The following PARD3B variants were observed in gnomAD, a reference collection of about 807,000 sequenced individuals.
PARD3B encodes the protein partitioning defective 3 homolog B.
PARD3B carries 103 observed loss-of-function variants against 130.2 expected under a neutral mutation model. That is an observed-to-expected ratio of 0.79 (90% CI 0.67 to 0.93). The LOEUF (loss-of-function observed/expected upper bound fraction) is 0.93, where lower values mean the gene tolerates loss of function less well. Among genes scored for constraint, PARD3B ranks in the 40% least tolerant of loss-of-function variants. The probability of loss-of-function intolerance (pLI) is 0.00; values close to 1 mark genes in which losing one functional copy is unlikely to be tolerated. For synonymous variants in PARD3B, 583 were observed against 553.2 expected (o/e 1.05, Z -0.76); for missense variants, 1,609 against 1,499.2 (o/e 1.07, Z -1.21).
chr2:205,480,738 T>C (rs1257335642), intron 20 of PARD3B, among the ~76,000 whole-genome samples: 1 of 152,178 alleles, frequency 6.6e-6, no homozygotes, highest in Non-Finnish European at 1.5e-5. Flanking sequence ...CCTTCTGTTC[T>C]TGTGGTGGAA....
At chr2:204,840,068 C>T (rs980879918) in intron 2 of PARD3B, among the ~76,000 whole-genome samples, 2 of 152,060 alleles carry the variant, frequency 1.3e-5, no homozygotes, top group African/African-American at 2.4e-5. Context: ...ATCCTTTTTC[C>T]ATCACTACGT....
At chr2:205,275,024 T>C (rs756667840) in intron 16 of PARD3B, among the ~76,000 whole-genome samples, 3 of 152,314 alleles carry the variant, frequency 2.0e-5, no homozygotes, top group Non-Finnish European at 4.4e-5. Flanking sequence ...TTCTAACTGC[T>C]TGTGTGCCTT....
At chr2:204,947,716 G>A (rs1035829621) in intron 2 of PARD3B, among the ~76,000 whole-genome samples, 1 of 152,030 alleles carries the variant, frequency 6.6e-6, no homozygotes, top group Non-Finnish European at 1.5e-5. Context: ...TTCTTTCCAT[G>A]CATTTTACCT....
chr2:204,896,300 G>GT (rs1193957743), intron 2 of PARD3B, among the ~76,000 whole-genome samples: 1 of 152,144 alleles, frequency 6.6e-6, no homozygotes, highest in Admixed American at 6.6e-5. Context: ...GTAAATAAAG[G>GT]TAAGAGGAAG....
chr2:205,173,424 A>G (rs1463229762), intron 12 of PARD3B, among the ~76,000 whole-genome samples: 1 of 152,212 alleles, frequency 6.6e-6, no homozygotes, highest in African/African-American at 2.4e-5. Flanking sequence ...CTTGGTATTC[A>G]TAGATGACAG....
chr2:204,966,388 G>T (rs13396044), intron 3 of PARD3B, among the ~76,000 whole-genome samples: 4,066 of 152,260 alleles, frequency 0.027, 184 homozygotes, highest in African/African-American at 0.093. Context: ...GAACGTGGCT[G>T]CTGGAGGGCT....
intron 1 of PARD3B, among the ~76,000 whole-genome samples, chr2:204,597,460 G>T (rs886726274): frequency 6.6e-6 from 1 of 152,178 alleles, no homozygotes; most frequent in Non-Finnish European, 1.5e-5. Flanking sequence ...GCCAGTTTAA[G>T]TGTCAATGTA....
At chr2:204,920,049 C>T (rs999098756) in intron 2 of PARD3B, among the ~76,000 whole-genome samples, 9 of 151,952 alleles carry the variant, frequency 5.9e-5, no homozygotes, top group Admixed American at 5.2e-4. Context: ...AAAAATTTTT[C>T]CTCTTTCATG....
intron 5 of PARD3B, among the ~76,000 whole-genome samples, chr2:205,106,593 A>C (rs774863565): frequency 6.6e-6 from 1 of 151,792 alleles, no homozygotes; most frequent in South Asian, 2.1e-4. Flanking sequence ...TAGGTTAAGG[A>C]ACTACAATTC....
intron 1 of PARD3B, among the ~76,000 whole-genome samples, chr2:204,680,079 A>G (rs2036754288): frequency 6.6e-6 from 1 of 152,024 alleles, no homozygotes; most frequent in African/African-American, 2.4e-5. Flanking sequence ...TCTTTTTTAA[A>G]AAAAGCTGAG....
At chr2:204,864,279 C>T (rs985887820) in intron 2 of PARD3B, among the ~76,000 whole-genome samples, 2 of 152,162 alleles carry the variant, frequency 1.3e-5, no homozygotes, top group African/African-American at 4.8e-5. Flanking sequence ...CATGATAAAA[C>T]CATCCAGTCA....
chr2:204,923,514 A>T (rs2047762801), intron 2 of PARD3B, among the ~76,000 whole-genome samples: 2 of 151,978 alleles, frequency 1.3e-5, no homozygotes, highest in Non-Finnish European at 2.9e-5. Flanking sequence ...CTTTTTATGT[A>T]TTATATAAAG....
intron 22 of PARD3B, among the ~76,000 whole-genome samples, chr2:205,595,842 T>C (rs1365443618): frequency 6.6e-6 from 1 of 152,054 alleles, no homozygotes. Context: ...CATACTAGTT[T>C]GCTAAAAGGA....
chr2:205,035,811 ATATATATATCTATATATC>A (rs1331559590), intron 3 of PARD3B, among the ~76,000 whole-genome samples: 2,998 of 15,822 alleles, frequency 0.19, 263 homozygotes, highest in East Asian at 0.39. Flanking sequence ...ATATATATAT[ATATATATATCTATATATC>A]TATATATATA....
chr2:204,892,441 T>G (rs2046481861), intron 2 of PARD3B, among the ~76,000 whole-genome samples: 1 of 152,224 alleles, frequency 6.6e-6, no homozygotes, highest in Admixed American at 6.5e-5. Flanking sequence ...ACTGATCTAT[T>G]CAGTATGGTA....
At chr2:205,427,905 A>T (rs2047198924) in intron 19 of PARD3B, among the ~76,000 whole-genome samples, 1 of 152,244 alleles carries the variant, frequency 6.6e-6, no homozygotes. Flanking sequence ...CAATGAAGAC[A>T]TCTTAAACTT....
At position 205,430,168 on chromosome 2, in the gene PARD3B, G is replaced by C. The variant is rs150840410; in HGVS notation, c.2742-10202G>C. 5.1e-3 allele frequency among the ~76,000 whole-genome samples: 776 copies of C among 152,232 alleles called. 2 individuals carry two copies. Among genetic ancestry groups the C allele is most frequent in the South Asian group, 0.015 (70 of 4,804 alleles). ...CAATTTCCCTCGATATATAAGTGAG[G>C]GGCCTGCAGAACTCACTTATATGAA... On this transcript the variant is annotated intron_variant, in intron 19 of 22. Coordinates refer to ENST00000406610, the MANE Select transcript of PARD3B (RefSeq NM_001302769.2).
intron 2 of PARD3B, among the ~76,000 whole-genome samples, chr2:204,910,245 T>A (rs1359089873): frequency 2.0e-5 from 3 of 152,168 alleles, no homozygotes; most frequent in Non-Finnish European, 2.9e-5. Flanking sequence ...TAAAAGAGGT[T>A]TAGAATTTTG....
chr2:205,163,708 A>G (rs1007218025), intron 11 of PARD3B, among the ~76,000 whole-genome samples: 2 of 152,180 alleles, frequency 1.3e-5, no homozygotes, highest in African/African-American at 2.4e-5. Flanking sequence ...CATCCAAACT[A>G]CTTAACTCCA....
Sources: gnomAD v4.1 joint callset for allele counts (sites outside exome capture counted in the v4.1 genomes callset) on GRCh38, gnomAD v4.1.1 for gene constraint, MANE v1.5 for transcripts, NCBI Gene and HGNC (gene_info 2026-07-23, HGNC 2026-07-21) for gene names.